Variants in GALNT2 observed in about 807,000 individuals in gnomAD.
GALNT2 encodes UDP-GalNAc:polypeptide N-acetylgalactosaminyltransferase 2.
A neutral mutation model predicts 81.4 loss-of-function variants in GALNT2; 31 were observed. That is an observed-to-expected ratio of 0.38 (90% CI 0.29 to 0.51). The LOEUF (loss-of-function observed/expected upper bound fraction) is 0.51. Among genes scored for constraint, GALNT2 ranks in the 20% least tolerant of loss-of-function variants. The pLI, the probability that GALNT2 is intolerant of heterozygous loss-of-function variation, is 0.87. For missense variants in GALNT2, 629 were observed against 765.7 expected (o/e 0.82, Z 2.11); for synonymous variants, 303 against 287.4 (o/e 1.05, Z -0.55).
At chr1:230,137,994 A>G (rs916463411) in intron 1 of GALNT2, among the ~76,000 whole-genome samples, 2 of 152,066 alleles carry the variant, frequency 1.3e-5, no homozygotes, top group African/African-American at 4.8e-5. Flanking sequence ...CATCCATTTT[A>G]CCTTTTTCTC....
At chr1:230,066,747 C>CTG (rs1659190665), upstream of GALNT2, among the ~76,000 whole-genome samples, 1 of 152,234 alleles carries the variant, frequency 6.6e-6, no homozygotes, top group South Asian at 2.1e-4. Context: ...GCAGGAAGCA[C>CTG]CGAGGCCACT....
intron 1 of GALNT2, among the ~76,000 whole-genome samples, chr1:230,150,312 G>T (rs911188131): frequency 2.6e-5 from 4 of 152,226 alleles, no homozygotes; most frequent in South Asian, 4.1e-4. Context: ...GAAGAGGCTT[G>T]ACAGGCTTGG....
chr1:230,111,219 A>T (rs1660696932), intron 1 of GALNT2, among the ~76,000 whole-genome samples: 1 of 152,220 alleles, frequency 6.6e-6, no homozygotes, highest in Non-Finnish European at 1.5e-5. Flanking sequence ...TGTGCGTACC[A>T]TGCATGCATG....
intron 10 of GALNT2, 27 bp downstream of exon 10, chr1:230,250,587 C>A (rs367861062): frequency 9.7e-6 from 15 of 1,550,836 alleles, no homozygotes; most frequent in Admixed American, 1.8e-5. Context: ...AATCTCAGGA[C>A]AGAGAAGTGC....
chr1:230,184,520 A>G (rs1257998135), intron 2 of GALNT2, among the ~76,000 whole-genome samples: 1 of 151,868 alleles, frequency 6.6e-6, no homozygotes, highest in Non-Finnish European at 1.5e-5. Context: ...ACAGAATTCT[A>G]GGTGGTCATT....
chr1:230,099,036 A>C (rs2102775482), intron 1 of GALNT2, among the ~76,000 whole-genome samples: 1 of 152,302 alleles, frequency 6.6e-6, no homozygotes, highest in East Asian at 1.9e-4. Context: ...TGAGAGGATG[A>C]GATCAGAGTT....
intron 2 of GALNT2, among the ~76,000 whole-genome samples, chr1:230,198,300 G>A (rs1182847224): frequency 6.6e-6 from 1 of 152,208 alleles, no homozygotes; most frequent in Non-Finnish European, 1.5e-5. Context: ...GGAGCAATAC[G>A]AGGAGTGGCG....
At chr1:230,124,951 G>A (rs1661129165) in intron 1 of GALNT2, among the ~76,000 whole-genome samples, 2 of 152,204 alleles carry the variant, frequency 1.3e-5, no homozygotes, top group Non-Finnish European at 2.9e-5. Context: ...ACACCCTGGT[G>A]TCTGCACCGC....
chr1:230,138,314 C>T (rs1333145162), intron 1 of GALNT2, among the ~76,000 whole-genome samples: 1 of 152,014 alleles, frequency 6.6e-6, no homozygotes, highest in Admixed American at 6.5e-5. Context: ...CACCTGAGGT[C>T]AGGAGTAAGA....
chr1:230,095,031 C>T (rs990945662), intron 1 of GALNT2, among the ~76,000 whole-genome samples: 6 of 152,274 alleles, frequency 3.9e-5, no homozygotes, highest in African/African-American at 1.4e-4. Flanking sequence ...ACTGCTGTTA[C>T]AAACTGGCCC....
chr1:230,064,616 G>A (rs1659122359), upstream of GALNT2, among the ~76,000 whole-genome samples: 1 of 152,178 alleles, frequency 6.6e-6, no homozygotes, highest in South Asian at 2.1e-4. Context: ...TGCCTCCCGG[G>A]TTCAAATGAT....
intron 3 of GALNT2, among the ~76,000 whole-genome samples, chr1:230,232,747 C>T (rs1664903996): frequency 6.6e-6 from 1 of 152,170 alleles, no homozygotes; most frequent in Admixed American, 6.5e-5. Context: ...CAGATTCTCA[C>T]TTCCTTAATC....
Position 230,243,091 on chromosome 1 carries a change from C to G in GALNT2, c.608-215C>G, listed in dbSNP as rs1422191147. Among the ~76,000 whole-genome samples the G allele has an allele frequency of 1.3e-5, 2 of 152,198 alleles. No individual in the cohort carries two copies. The highest frequency in any genetic ancestry group is 4.1e-4 in the South Asian group (2 of 4,822). ...AGACGGTAGTTCTAAGAACGTTGTC[C>G]TCCCAGTCATCCAATATAACTATTA... On this transcript the variant is annotated intron_variant, in intron 6 of 15. Coordinates refer to ENST00000366672, the MANE Select transcript of GALNT2 (RefSeq NM_004481.5). The surrounding 1 kb of genome is among the most constrained non-coding windows in gnomAD (Gnocchi z 4.2).
chr1:230,067,244 G>A lies in GALNT2; in HGVS notation c.-37G>A, dbSNP rs1399860780. 1.6e-6 allele frequency: 2 copies of A among 1,245,464 alleles called. No homozygotes were observed. The highest frequency in any genetic ancestry group is 2.0e-6 in the Non-Finnish European group (2 of 986,910). 77.2% of individuals were successfully genotyped at this position (1,245,464 alleles called of 1,614,324 possible). On this transcript the variant is annotated 5_prime_UTR_variant, in exon 1 of 16. Transcript: ENST00000366672. Reference sequence around the variant, plus strand: ...CGCGGCCGGCCCAGGCAGCACTCGCGAGCAGCGGCGGCCCCGCCGGCGGCC... The same window carrying A: ...CGCGGCCGGCCCAGGCAGCACTCGCAAGCAGCGGCGGCCCCGCCGGCGGCC...
At chr1:230,228,417 G>A (rs1487075439) in intron 3 of GALNT2, among the ~76,000 whole-genome samples, 1 of 151,984 alleles carries the variant, frequency 6.6e-6, no homozygotes, top group South Asian at 2.1e-4. Flanking sequence ...CATGGTACAG[G>A]TGCGGGGTTA....
At chr1:230,133,449 CT>C (rs71934973) in intron 1 of GALNT2, among the ~76,000 whole-genome samples, 19,021 of 140,128 alleles carry the variant, frequency 0.14, 1,001 homozygotes, top group South Asian at 0.22. Flanking sequence ...TTTCTTTTTT[CT>C]TTTTTTTTTT....
rs1431586064 is a variant in GALNT2 at position 230,249,219 on chromosome 1, A to G, written c.853A>G (p.Met285Val). 3.7e-6 allele frequency: 6 copies of G among 1,614,070 alleles called. No homozygotes were observed. Among genetic ancestry groups the G allele is most frequent in the Non-Finnish European group, 5.1e-6 (6 of 1,180,028 alleles). The change falls in exon 9 of 16, where the codon ATG becomes GTG. Residue 285 changes from methionine (M) to valine (V), a missense_variant. This residue lies in a region of GALNT2 where 360 missense variants were observed against 492.8 expected (regional missense o/e 0.73). Transcript: ENST00000366672. ...DWNLVFKWDY[M>V]TPEQRRSRQG... is the part of the protein sequence containing the mutation. The stretch of plus-strand genomic sequence containing the variant: ...GAACTTGGTATTCAAGTGGGATTAC[A>G]TGACGCCTGAGCAGAGAAGGTCCCG...
At chr1:230,168,990 AC>A (rs1207120329) in intron 1 of GALNT2, among the ~76,000 whole-genome samples, 1 of 151,920 alleles carries the variant, frequency 6.6e-6, no homozygotes, top group Non-Finnish European at 1.5e-5. Context: ...TTTTGTTATG[AC>A]CTTGACGGTT....
intron 14 of GALNT2, among the ~76,000 whole-genome samples, chr1:230,272,167 T>G (rs905126322): frequency 2.6e-5 from 4 of 152,184 alleles, no homozygotes; most frequent in African/African-American, 9.7e-5. Context: ...TTTTATGATG[T>G]CACACTGTCC....
Sources: gnomAD v4.1 joint callset for allele counts (sites outside exome capture counted in the v4.1 genomes callset) on GRCh38, gnomAD v4.1.1 for gene constraint, gnomAD v4.1.1 regional missense constraint, Gnocchi (gnomAD v3.1) non-coding constraint, MANE v1.5 for transcripts, NCBI Gene and HGNC (gene_info 2026-07-23, HGNC 2026-07-21) for gene names.